The following TRIM44 variants were observed in gnomAD, a reference collection of about 807,000 sequenced individuals.
TRIM44 encodes tripartite motif-containing protein 44.
Under a neutral mutation model 37.4 loss-of-function variants are expected in TRIM44, and 13 were observed. That is an observed-to-expected ratio of 0.35 (90% CI 0.23 to 0.55). The LOEUF (loss-of-function observed/expected upper bound fraction) is 0.55, where lower values mean the gene tolerates loss of function less well. TRIM44 is among the 20% of genes least tolerant of loss of function. The probability of loss-of-function intolerance (pLI) is 0.89; values close to 1 mark genes in which losing one functional copy is unlikely to be tolerated. For missense variants in TRIM44, 426 were observed against 437.2 expected (o/e 0.97, Z 0.23); for synonymous variants, 175 against 157.2 (o/e 1.11, Z -0.85).
intron 4 of TRIM44, 87 bp from the exon 5 acceptor site, chr11:35,806,271 C>CAT: frequency 7.0e-7 from 1 of 1,433,250 alleles, no homozygotes; most frequent in Non-Finnish European, 9.8e-7. Context: ...GTATGTCTGA[C>CAT]ATAAAGTCTG....
At chr11:35,715,557 A>G (rs1289194908) in intron 2 of TRIM44, among the ~76,000 whole-genome samples, 1 of 152,016 alleles carries the variant, frequency 6.6e-6, no homozygotes, top group Non-Finnish European at 1.5e-5. Flanking sequence ...GGAACAATAC[A>G]GAATTAGGGC....
At chr11:35,787,190 G>A (rs1200031218) in intron 4 of TRIM44, among the ~76,000 whole-genome samples, 1 of 152,178 alleles carries the variant, frequency 6.6e-6, no homozygotes, top group Admixed American at 6.5e-5. Context: ...GTGCATCCCT[G>A]AGCAGCTGGC....
At chr11:35,785,421 A>G (rs1001151199) in intron 4 of TRIM44, among the ~76,000 whole-genome samples, 2 of 152,254 alleles carry the variant, frequency 1.3e-5, no homozygotes, top group Non-Finnish European at 2.9e-5. Context: ...AATGGATAGA[A>G]GGTGCCTTCT....
Position 35,663,549 on chromosome 11 carries a change from A to G in TRIM44, c.438A>G (p.Gln146=), listed in dbSNP as rs1277775042. The G allele has an allele frequency of 6.2e-7, 1 of 1,613,134 alleles. No homozygotes were observed. ...AAAGCGAGGCCGAAGAAGACAACCA[A>G]GAAGAAGGGGAATCCGAGGCGGAGG... The part of the protein sequence containing the change: ...EQESEAEEDN[Q]EEGESEAEGE... The change falls in exon 1 of 5, where the codon CAA becomes CAG. Residue 146 remains glutamine (Q), a synonymous_variant. Transcript: ENST00000299413.
rs192872173 is a variant in TRIM44, at chr11:35,723,443, G to A, written c.748-2481G>A. Among the ~76,000 whole-genome samples the A allele has an allele frequency of 1.8e-3, 279 of 152,266 alleles. 2 individuals are homozygous for A. The highest frequency in any genetic ancestry group is 6.4e-3 in the African/African-American group (268 of 41,570). ...CTTGATTGTAACTAACATGCCAAAG[G>A]TTTTGATGTCTTAGGTTGGAAAATG... On this transcript the variant is annotated intron_variant, in intron 2 of 4. Transcript: ENST00000299413.
chr11:35,722,095 TG>T (rs1056346853), intron 2 of TRIM44, among the ~76,000 whole-genome samples: 2 of 152,180 alleles, frequency 1.3e-5, no homozygotes, highest in Non-Finnish European at 2.9e-5. Flanking sequence ...CACTGTGCTG[TG>T]GGAGTGTGGA....
At chr11:35,790,163 A>G (rs1260982596) in intron 4 of TRIM44, among the ~76,000 whole-genome samples, 1 of 152,162 alleles carries the variant, frequency 6.6e-6, no homozygotes, top group East Asian at 1.9e-4. Flanking sequence ...TCATCGTAAG[A>G]TGACAGCTGG....
At chr11:35,762,319 G>A (rs1428851913) in intron 4 of TRIM44, among the ~76,000 whole-genome samples, 3 of 152,042 alleles carry the variant, frequency 2.0e-5, no homozygotes, top group Admixed American at 6.6e-5. Context: ...TCACATCTAG[G>A]AAGGAAATGA....
In TRIM44 at chr11:35,809,847, A is replaced by G. The variant is rs947899421; in HGVS notation, c.*3462A>G. 6.6e-6 allele frequency: 1 copy of G among 151,700 alleles called. No individual in the cohort carries two copies. Among genetic ancestry groups the G allele is most frequent in the African/African-American group, 2.4e-5 (1 of 41,262 alleles). 9.4% of individuals were successfully genotyped at this position (151,700 alleles called of 1,614,324 possible). A position where few individuals can be genotyped will look rare whatever the true frequency, so the allele number is the denominator to read the frequency against. ...TACCTATATATAAAGGACAAGTGTGATATGTGTGTATATGTATATACATAC... is the reference window on the plus strand; with the variant it reads ...TACCTATATATAAAGGACAAGTGTGGTATGTGTGTATATGTATATACATAC... On this transcript the variant is annotated 3_prime_UTR_variant, in exon 5 of 5. Coordinates refer to ENST00000299413, the MANE Select transcript of TRIM44 (RefSeq NM_017583.6).
chr11:35,700,919 A>G (rs1455920912), intron 2 of TRIM44, among the ~76,000 whole-genome samples: 1 of 152,192 alleles, frequency 6.6e-6, no homozygotes, highest in East Asian at 1.9e-4. Context: ...CTTAAAGTCA[A>G]TTAATTAGAG....
intron 4 of TRIM44, among the ~76,000 whole-genome samples, chr11:35,801,802 T>C (rs1298540113): frequency 6.6e-6 from 1 of 152,010 alleles, no homozygotes; most frequent in Admixed American, 6.6e-5. Context: ...ACCAAGAAAG[T>C]GTTAAATTTC....
chr11:35,723,052 C>T (rs1852128021), intron 2 of TRIM44, among the ~76,000 whole-genome samples: 1 of 151,810 alleles, frequency 6.6e-6, no homozygotes, highest in African/African-American at 2.4e-5. Context: ...TCCCTCCCTC[C>T]CTCTCCCCCT....
intron 1 of TRIM44, among the ~76,000 whole-genome samples, chr11:35,683,666 A>G (rs1007652523): frequency 6.6e-6 from 1 of 152,084 alleles, no homozygotes; most frequent in African/African-American, 2.4e-5. Context: ...TGGTGAAATG[A>G]ATGTTCCTAC....
intron 4 of TRIM44, among the ~76,000 whole-genome samples, chr11:35,787,238 G>A (rs1853142065): frequency 6.6e-6 from 1 of 152,182 alleles, no homozygotes; most frequent in African/African-American, 2.4e-5. Context: ...TTGCTGTCAC[G>A]CCTCCTTGCC....
chr11:35,780,005 A>G (rs937476447), intron 4 of TRIM44, among the ~76,000 whole-genome samples: 2 of 151,466 alleles, frequency 1.3e-5, no homozygotes, highest in African/African-American at 2.4e-5. Context: ...TTTGGTTACT[A>G]TAGCCTTATA....
intron 3 of TRIM44, among the ~76,000 whole-genome samples, chr11:35,729,768 G>C (rs1453702096): frequency 2.6e-5 from 4 of 152,142 alleles, no homozygotes; most frequent in Non-Finnish European, 5.9e-5. Flanking sequence ...ATCTAAACAG[G>C]TTGACTGCTA....
chr11:35,757,644 A>C (rs1215123982), intron 4 of TRIM44, among the ~76,000 whole-genome samples: 1 of 152,204 alleles, frequency 6.6e-6, no homozygotes, highest in East Asian at 1.9e-4. Context: ...TTAGTGCTAT[A>C]AATTTTCCTC....
Position 35,684,363 on chromosome 11 carries a change from G to A in TRIM44, c.670-896G>A, listed in dbSNP as rs11828470. On this transcript the variant is annotated intron_variant, in intron 1 of 4. Coordinates refer to ENST00000299413, the MANE Select transcript of TRIM44 (RefSeq NM_017583.6). ...TCAATTTTACTTTTTAATTGTGGCA[G>A]TTATAAAATTATATACATACGCTTG... Among the ~76,000 whole-genome samples, 281 of 152,230 alleles carry A rather than the reference G, an allele frequency of 1.8e-3. 2 individuals carry two copies. Among genetic ancestry groups the A allele is most frequent in the African/African-American group, 6.5e-3 (270 of 41,532 alleles).
At chr11:35,708,656 T>G (rs11827465) in intron 2 of TRIM44, among the ~76,000 whole-genome samples, 2 of 150,272 alleles carry the variant, frequency 1.3e-5, no homozygotes, top group Admixed American at 1.3e-4. Flanking sequence ...TAAACTATCG[T>G]AAGAACAAAA....
Sources: allele counts gnomAD v4.1 joint callset (sites outside exome capture counted in the v4.1 genomes callset), GRCh38; gene constraint gnomAD v4.1.1; transcripts MANE v1.5; gene names NCBI Gene and HGNC (gene_info 2026-07-23, HGNC 2026-07-21).